Variants in CPXM2 observed in about 807,000 individuals in gnomAD.
The protein encoded by CPXM2 is carboxypeptidase X, M14 family member 2.
CPXM2 carries 66 observed loss-of-function variants against 86.1 expected under a neutral mutation model. The observed-to-expected ratio is 0.77, with a 90% CI of 0.63 to 0.94. The LOEUF (loss-of-function observed/expected upper bound fraction) is 0.94. Among genes scored for constraint, CPXM2 ranks in the 40% least tolerant of loss-of-function variants. CPXM2 has a pLI of 0.00. For missense variants in CPXM2, 948 were observed against 1,026.3 expected (o/e 0.92, Z 1.04); for synonymous variants, 388 against 400.2 (o/e 0.97, Z 0.36).
intron 2 of CPXM2, among the ~76,000 whole-genome samples, chr10:123,910,967 T>C (rs1480363164): frequency 6.6e-6 from 1 of 150,472 alleles, no homozygotes; most frequent in African/African-American, 2.4e-5. Context: ...TGGATCTCTG[T>C]GTGTCCACAT....
intron 2 of CPXM2, among the ~76,000 whole-genome samples, chr10:123,929,128 A>T (rs894500934): frequency 6.6e-6 from 1 of 152,178 alleles, no homozygotes; most frequent in African/African-American, 2.4e-5. Flanking sequence ...CAGAGAAAGG[A>T]TCTGTCAGAG....
chr10:123,858,108 C>T (rs1848778661), intron 3 of CPXM2, among the ~76,000 whole-genome samples: 2 of 152,234 alleles, frequency 1.3e-5, no homozygotes, highest in Admixed American at 6.5e-5. Context: ...CACACATGAA[C>T]CAATGCTGCT....
intron 6 of CPXM2, among the ~76,000 whole-genome samples, chr10:123,793,621 C>G: frequency 6.6e-6 from 1 of 152,122 alleles, no homozygotes. Context: ...AGCTGGTACT[C>G]AGCAACTCCA....
At chr10:123,761,640 G>C (rs1358717637) in intron 11 of CPXM2, among the ~76,000 whole-genome samples, 1 of 152,158 alleles carries the variant, frequency 6.6e-6, no homozygotes, top group African/African-American at 2.4e-5. Flanking sequence ...AGATCCCTTT[G>C]GGTCTCCAGC....
intron 2 of CPXM2, among the ~76,000 whole-genome samples, chr10:123,903,097 C>G (rs899350398): frequency 6.6e-6 from 1 of 152,236 alleles, no homozygotes; most frequent in Non-Finnish European, 1.5e-5. Flanking sequence ...GGGTGAGGTC[C>G]TGTGTCCCTG....
At chr10:123,862,125 G>GA in intron 3 of CPXM2, among the ~76,000 whole-genome samples, 1 of 152,330 alleles carries the variant, frequency 6.6e-6, no homozygotes, top group East Asian at 1.9e-4. Context: ...GACCAGCCAG[G>GA]ATGTGCATGG....
chr10:123,842,619 A>C (rs557106905), intron 3 of CPXM2, 131 bp from the exon 4 acceptor site: 17 of 864,970 alleles, frequency 2.0e-5, no homozygotes, highest in South Asian at 5.4e-5. Context: ...TAAAGAAAAA[A>C]ATAATTGTGC....
intron 11 of CPXM2, among the ~76,000 whole-genome samples, chr10:123,761,278 G>A (rs1846331984): frequency 6.6e-6 from 1 of 152,202 alleles, no homozygotes; most frequent in Admixed American, 6.5e-5. Context: ...GGCCGCTGGA[G>A]GACAGCAGGT....
upstream of CPXM2, among the ~76,000 whole-genome samples, chr10:123,942,645 G>A (rs1234223307): frequency 2.6e-5 from 4 of 152,200 alleles, no homozygotes; most frequent in Non-Finnish European, 1.5e-5. Context: ...GAAAACTTGT[G>A]AATAATCCAC....
chr10:123,768,716 G>A lies in CPXM2; in HGVS notation c.1109C>T (p.Pro370Leu). ...DHPGEHEVGE[P>L]EFHYIAGAHG... ...GGCCCCCGCGATGTAGTGGAACTCG[G>A]GCTCACCTTTACTCAAAGACAGAGA... The change falls in exon 9 of 14, where the codon CCC (proline) becomes CTC (leucine). Residue 370 changes from proline to leucine, a missense_variant. Transcript: ENST00000241305. The A allele has an allele frequency of 6.2e-7, 1 of 1,608,144 alleles. No individual in the cohort carries two copies.
At chr10:123,843,077 C>G (rs1848419292) in intron 3 of CPXM2, among the ~76,000 whole-genome samples, 1 of 151,658 alleles carries the variant, frequency 6.6e-6, no homozygotes, top group Non-Finnish European at 1.5e-5. Flanking sequence ...GTGTTTAAGT[C>G]ATTTGATGTG....
chr10:123,901,948 C>G (rs1408720203), intron 2 of CPXM2, among the ~76,000 whole-genome samples: 1 of 152,222 alleles, frequency 6.6e-6, no homozygotes, highest in East Asian at 1.9e-4. Context: ...GAATTGCAAA[C>G]TGTTCACTGG....
At chr10:123,843,212 G>A (rs928022204) in intron 3 of CPXM2, 18 of 442,928 alleles carry the variant, frequency 4.1e-5, no homozygotes, top group Non-Finnish European at 6.7e-5. Flanking sequence ...TCGGCCCTCT[G>A]AATAGCTGGG....
At chr10:123,894,204 T>C (rs926646780), upstream of CPXM2, among the ~76,000 whole-genome samples, 1 of 152,212 alleles carries the variant, frequency 6.6e-6, no homozygotes, top group African/African-American at 2.4e-5. Context: ...CCCAAGCCCA[T>C]GAGTCCTGAA....
At chr10:123,768,990 C>A (rs1187744245) in intron 8 of CPXM2, among the ~76,000 whole-genome samples, 2 of 152,120 alleles carry the variant, frequency 1.3e-5, no homozygotes, top group African/African-American at 4.8e-5. Context: ...AAGAACAGAT[C>A]AAATAACATA....
At position 123,761,259 on chromosome 10, in the gene CPXM2, C is replaced by T. The variant is rs115417050; in HGVS notation, c.1777+613G>A. 8.0e-3 allele frequency among the ~76,000 whole-genome samples: 1,215 copies of T among 152,310 alleles called. 18 individuals are homozygous for T. Among genetic ancestry groups the T allele is most frequent in the African/African-American group, 0.028 (1,160 of 41,570 alleles). On this transcript the variant is annotated intron_variant, in intron 11 of 13. Coordinates refer to ENST00000241305, the MANE Select transcript of CPXM2 (RefSeq NM_198148.3). Reference sequence around the variant, plus strand: ...GGCTGTGGGTATGAGTGTGACGGGCCGTCCCGCTGGCCGCTGGAGGACAGC... The same window carrying T: ...GGCTGTGGGTATGAGTGTGACGGGCTGTCCCGCTGGCCGCTGGAGGACAGC...
At chr10:123,857,542 CGATGGAAGGCGGCGTGGA>C (rs71026072) in intron 3 of CPXM2, among the ~76,000 whole-genome samples, 14 of 144,076 alleles carry the variant, frequency 9.7e-5, no homozygotes, top group Admixed American at 1.4e-4. Context: ...GTGATGCCAG[CGATGGAAGGCGGCGTGGA>C]GATGGAAGGC....
At chr10:123,900,925 CT>C (rs1182744809) in intron 2 of CPXM2, among the ~76,000 whole-genome samples, 2 of 152,078 alleles carry the variant, frequency 1.3e-5, no homozygotes, top group Admixed American at 1.3e-4. Flanking sequence ...TGAATCGATC[CT>C]TTTTTATGGC....
intron 7 of CPXM2, among the ~76,000 whole-genome samples, chr10:123,775,506 G>A (rs1193823682): frequency 2.0e-5 from 3 of 152,164 alleles, no homozygotes; most frequent in Non-Finnish European, 4.4e-5. Flanking sequence ...TAGAGATCAC[G>A]GCCTTGACAC....
Sources: allele counts gnomAD v4.1 joint callset (sites outside exome capture counted in the v4.1 genomes callset), GRCh38; gene constraint gnomAD v4.1.1; transcripts MANE v1.5; gene names NCBI Gene and HGNC (gene_info 2026-07-23, HGNC 2026-07-21).